Variants in CNPY4 observed in about 807,000 individuals in gnomAD.
CNPY4 encodes the protein protein canopy homolog 4.
In CNPY4, 33 loss-of-function variants were observed where a neutral mutation model predicts 30.1. The ratio of observed to expected loss-of-function variants is 1.10; its 90% CI spans 0.83 to 1.46. The LOEUF is 1.46. Among genes scored for constraint, CNPY4 ranks in the 40% most tolerant of loss-of-function variants. The probability of loss-of-function intolerance (pLI) is 0.00; values close to 1 mark genes in which losing one functional copy is unlikely to be tolerated. For missense variants in CNPY4, 324 were observed against 302.6 expected, an observed-to-expected ratio of 1.07 and a Z score of -0.52; for synonymous variants, 109 against 110.1, an observed-to-expected ratio of 0.99 and a Z score of 0.06.
chr7:100,121,116 A>ATATATTTTTTTTT (rs1584585316), intron 1 of CNPY4: 3 of 52,778 alleles, frequency 5.7e-5, no homozygotes, highest in African/African-American at 9.7e-5. Flanking sequence ...ATATATATAT[A>ATATATTTTTTTTT]TTTTTTTTTT....
Position 100,122,923 on chromosome 7 carries a change from C to T in CNPY4, c.465+17C>T, listed in dbSNP as rs201988151. 2.0e-5 allele frequency: 32 copies of T among 1,604,940 alleles called. No individual in the cohort carries two copies. The East Asian group carries it at 5.1e-4, about 26-fold the overall frequency. On this transcript the variant is annotated intron_variant, in intron 4 of 5. Coordinates refer to ENST00000262932, the MANE Select transcript of CNPY4 (RefSeq NM_152755.2). ...AAGAAGCAGGTAGGATAAGACACTG[C>T]ACCATCCAGGGAGGTGAGAAGGGAA...
intron 1 of CNPY4, 82 bp from the exon 2 acceptor site, chr7:100,122,177 C>T: frequency 1.9e-6 from 3 of 1,563,896 alleles, no homozygotes; most frequent in Non-Finnish European, 2.6e-6. Context: ...CTTGTATGCT[C>T]TGCTGCCTCA....
At position 100,122,301 on chromosome 7, in the gene CNPY4, GCACCGGTCGATCT is replaced by G; in HGVS notation, c.163_175del (p.Thr55GlufsTer32). The G allele has an allele frequency of 6.2e-7, 1 of 1,614,088 alleles. No individual in the cohort carries two copies. Among genetic ancestry groups the G allele is most frequent in the South Asian group, 1.1e-5 (1 of 91,076 alleles). On this transcript the variant is annotated frameshift_variant, in exon 2 of 6. Transcript: ENST00000262932. LOFTEE classifies it high-confidence loss of function. ...ACAGAGCTACAGGCGGAACTGAGTC[GCACCGGTCGATCT>G]CGAGAGGTGCTGGAGCTGGGGCAGG...
At chr7:100,122,434 G>A (rs772600676) in intron 2 of CNPY4, 47 bp from the exon 3 acceptor site, 7 of 1,613,900 alleles carry the variant, frequency 4.3e-6, no homozygotes, top group Non-Finnish European at 5.9e-6. Flanking sequence ...GGAGCCCTGG[G>A]AGTTCCTACA....
chr7:100,122,373 C>T lies in CNPY4; in HGVS notation c.233C>T (p.Pro78Leu). ...ACAGGCAAGAGGAAGAGACACGTGC[C>T]TTACAGCGTTTCGTGAGTCCTTCGT... ...LDTGKRKRHV[P>L]YSVSETRLEE... The change falls in exon 2 of 6, where the codon CCT (proline) becomes CTT (leucine). Residue 78 changes from proline to leucine, a missense_variant. By Grantham distance (98) the Pro-to-Leu change is moderately conservative (BLOSUM62 -3). Transcript: ENST00000262932. 6.2e-7 allele frequency: 1 copy of T among 1,614,176 alleles called. No individual in the cohort carries two copies. The highest frequency in any genetic ancestry group is 1.1e-5 in the South Asian group (1 of 91,080).
At position 100,122,766 on chromosome 7, in the gene CNPY4, A is replaced by C. The variant is rs369027804; in HGVS notation, c.343-18A>C. The C allele has an allele frequency of 3.0e-5, 48 of 1,607,792 alleles. No homozygotes were observed. Among genetic ancestry groups the C allele is most frequent in the Non-Finnish European group, 4.1e-5 (48 of 1,176,548 alleles). On this transcript the variant is annotated intron_variant, in intron 3 of 5. Coordinates refer to ENST00000262932, the MANE Select transcript of CNPY4 (RefSeq NM_152755.2). The stretch of plus-strand genomic sequence containing the variant: ...TGGGGTGGTGAGCTGGGCTGATGCC[A>C]AATTCTTAATCTCTCAGGGTCAGAG...
intron 4 of CNPY4, 84 bp downstream of exon 4, chr7:100,122,990 T>G: frequency 7.1e-7 from 1 of 1,405,568 alleles, no homozygotes; most frequent in South Asian, 1.4e-5. Context: ...CTATAGGGGA[T>G]GTCTACCCCT....
At chr7:100,123,428 T>C in intron 4 of CNPY4, among the ~76,000 whole-genome samples, 1 of 151,856 alleles carries the variant, frequency 6.6e-6, no homozygotes, top group South Asian at 2.1e-4. Flanking sequence ...TAGCACTTAG[T>C]GAGTCTGAGG....
chr7:100,119,851 G>C lies in CNPY4; in HGVS notation c.107G>C (p.Ser36Thr). 1 of 1,611,946 alleles carries C rather than the reference G, an allele frequency of 6.2e-7. No homozygotes were observed. The highest frequency in any genetic ancestry group is 8.5e-7 in the Non-Finnish European group (1 of 1,179,310). ...GACGATGACACAGAACGCTTGCCCA[G>C]CAAATGCGAAGGTATTTGAAGGGGG... is the stretch of plus-strand genomic sequence containing the variant. ...EEDDDTERLPSKCEVCKLLST... is the reference protein window; with the variant it reads ...EEDDDTERLPTKCEVCKLLST... Residue 36 changes from serine to threonine, a missense_variant, in exon 1 of 6, where the codon AGC becomes ACC. Ser to Thr is a moderately conservative substitution (Grantham distance 58). Coordinates refer to ENST00000262932, the MANE Select transcript of CNPY4 (RefSeq NM_152755.2).
At chr7:100,121,038 C>CTTCATCACACTCCTATGAGGGACAT in intron 1 of CNPY4, 1 of 119,720 alleles carries the variant, frequency 8.4e-6, no homozygotes, top group Non-Finnish European at 1.7e-5. Context: ...TTTATTTAAT[C>CTTCATCACACTCCTATGAGGGACAT]TTCATCACAC....
Position 100,124,714 on chromosome 7 carries a change from A to T in CNPY4, c.584-11A>T. The T allele has an allele frequency of 6.2e-7, 1 of 1,613,818 alleles. No individual in the cohort carries two copies. The highest frequency in any genetic ancestry group is 8.5e-7 in the Non-Finnish European group (1 of 1,179,934). On this transcript the variant is annotated splice_polypyrimidine_tract_variant and intron_variant, in intron 5 of 5. Coordinates refer to ENST00000262932, the MANE Select transcript of CNPY4 (RefSeq NM_152755.2). ...ACTAATATCTAAATTGTTTTCTGTC[A>T]TCCGATCTAGCATGTCTACAGGAAA...
At chr7:100,122,080 A>C in intron 1 of CNPY4, 179 bp from the exon 2 acceptor site, 4 of 565,948 alleles carry the variant, frequency 7.1e-6, no homozygotes, top group Non-Finnish European at 9.1e-6. Context: ...GAAGAAACCG[A>C]GGCACAGCAA....
intron 4 of CNPY4, among the ~76,000 whole-genome samples, chr7:100,123,391 G>T (rs548904312): frequency 1.3e-5 from 2 of 151,938 alleles, no homozygotes; most frequent in Non-Finnish European, 2.9e-5. Flanking sequence ...ATAATGAGCC[G>T]GGTGGAGTGG....
At chr7:100,119,951 C>G in intron 1 of CNPY4, 89 bp downstream of exon 1, 1 of 1,217,986 alleles carries the variant, frequency 8.2e-7, no homozygotes, top group East Asian at 2.6e-5. Flanking sequence ...GGGTGGGTCA[C>G]CCGACCTCCT....
At chr7:100,122,636 G>A (rs1196887409) in intron 3 of CNPY4, 59 bp downstream of exon 3, 1 of 1,530,238 alleles carries the variant, frequency 6.5e-7, no homozygotes, top group South Asian at 1.2e-5. Flanking sequence ...TGTATCCCCT[G>A]AGGCCCTCCA....
At chr7:100,122,049 GAAAAAAA>G (rs111511573) in intron 1 of CNPY4, 10 of 313,820 alleles carry the variant, frequency 3.2e-5, no homozygotes, top group South Asian at 2.8e-4. Flanking sequence ...GAGTCCGTCT[GAAAAAAA>G]AAAAAAAAAA....
intron 4 of CNPY4, 146 bp downstream of exon 4, chr7:100,123,052 C>G: frequency 1.1e-6 from 1 of 890,844 alleles, no homozygotes; most frequent in Non-Finnish European, 1.6e-6. Context: ...TAAAGTGGGT[C>G]CAGGAGCGGT....
At chr7:100,124,432 T>A in intron 4 of CNPY4, 82 bp from the exon 5 acceptor site, 1 of 1,080,158 alleles carries the variant, frequency 9.3e-7, no homozygotes, top group Non-Finnish European at 1.4e-6. Flanking sequence ...CCAAAATCAG[T>A]CAGGTTGAGC....
chr7:100,122,066 AGATG>A, intron 1 of CNPY4, 189 bp from the exon 2 acceptor site: 2 of 537,666 alleles, frequency 3.7e-6, no homozygotes, highest in South Asian at 2.2e-5. Context: ...AAAAAAAAAA[AGATG>A]AAGAAACCGA....
Sources: gnomAD v4.1 joint callset for allele counts (sites outside exome capture counted in the v4.1 genomes callset) on GRCh38, gnomAD v4.1.1 for gene constraint, MANE v1.5 for transcripts, NCBI Gene and HGNC (gene_info 2026-07-23, HGNC 2026-07-21) for gene names.